Variants in ABCA3 observed in about 807,000 individuals in gnomAD.
ABCA3 encodes ATP binding cassette subfamily A member 3, also known as phospholipid-transporting ATPase ABCA3.
In ABCA3, 88 loss-of-function variants were observed where a neutral mutation model predicts 172.8. That is an observed-to-expected ratio of 0.51 (90% CI 0.43 to 0.61). The LOEUF (loss-of-function observed/expected upper bound fraction) is 0.61. Among genes scored for constraint, ABCA3 ranks in the 20% least tolerant of loss-of-function variants. ABCA3 has a pLI of 0.00. For missense variants in ABCA3, 2,164 were observed against 2,301.0 expected (o/e 0.94, Z 1.22); for synonymous variants, 1,066 against 983.8 (o/e 1.08, Z -1.56).
At chr16:2,324,737 C>T (rs368925263) in intron 5 of ABCA3, among the ~76,000 whole-genome samples, 29 of 152,290 alleles carry the variant, frequency 1.9e-4, no homozygotes, top group African/African-American at 6.5e-4. Flanking sequence ...GAGCCCCAGG[C>T]AGTGAGTTCT....
intron 1 of ABCA3, among the ~76,000 whole-genome samples, chr16:2,334,332 G>T (rs1347238021): frequency 2.6e-5 from 4 of 152,168 alleles, no homozygotes; most frequent in African/African-American, 9.7e-5. Flanking sequence ...TCAAGGCGCT[G>T]GATGTTGCAC....
intron 18 of ABCA3, among the ~76,000 whole-genome samples, chr16:2,294,001 T>A (rs932225227): frequency 1.5e-4 from 23 of 151,388 alleles, no homozygotes; most frequent in African/African-American, 5.6e-4. Context: ...TCCCTGGTTT[T>A]TTCTTTCTTT....
rs1188817559 is a variant in ABCA3 at position 2,297,952 on chromosome 16, G to A, written c.1897-31C>T. ...ACGACAGGGGACGCAGGGAGATGCA[G>A]GGCTCCTGGCGGGAGGCCGACCCTG... On this transcript the variant is annotated intron_variant, in intron 15 of 32. Coordinates refer to ENST00000301732, the MANE Select transcript of ABCA3 (RefSeq NM_001089.3). The surrounding 1 kb of genome is among the most constrained non-coding windows in gnomAD (Gnocchi z 5.6). The A allele has an allele frequency of 1.9e-6, 3 of 1,612,322 alleles. No homozygotes were observed. Among genetic ancestry groups the A allele is most frequent in the Non-Finnish European group, 8.5e-7 (1 of 1,179,936 alleles).
chr16:2,296,377 G>C (rs1448159117), intron 17 of ABCA3, among the ~76,000 whole-genome samples: 1 of 152,178 alleles, frequency 6.6e-6, no homozygotes, highest in Non-Finnish European at 1.5e-5. Flanking sequence ...TGGGATTACA[G>C]GCATGCACCA....
At position 2,328,595 on chromosome 16, in the gene ABCA3, C is replaced by G. The variant is rs323049; in HGVS notation, c.-169G>C. Reference sequence around the variant, plus strand: ...CTCTGTCCTGGAGAGGCAGGGAAGGCGATGGAGGAGGGGCAGTCTAGAGAG... The same window carrying G: ...CTCTGTCCTGGAGAGGCAGGGAAGGGGATGGAGGAGGGGCAGTCTAGAGAG... On this transcript the variant is annotated 5_prime_UTR_variant, in exon 3 of 33. Coordinates refer to ENST00000301732, the MANE Select transcript of ABCA3 (RefSeq NM_001089.3). 9 of 512,104 alleles carry G rather than the reference C, an allele frequency of 1.8e-5. No individual in the cohort carries two copies. Among genetic ancestry groups the G allele is most frequent in the Admixed American group, 9.9e-5 (5 of 50,688 alleles). 31.7% of individuals were successfully genotyped at this position (512,104 alleles called of 1,614,324 possible). A position where few individuals can be genotyped will look rare whatever the true frequency, so the allele number is the denominator to read the frequency against.
At chr16:2,313,422 C>A (rs943708095) in intron 10 of ABCA3, among the ~76,000 whole-genome samples, 3 of 151,630 alleles carry the variant, frequency 2.0e-5, no homozygotes, top group Non-Finnish European at 1.5e-5. Context: ...GGCATGCTGG[C>A]TTGCACCTGT....
Position 2,319,693 on chromosome 16 carries a change from G to A in ABCA3, c.761C>T (p.Pro254Leu). Residue 254 changes from proline (P) to leucine (L), a missense_variant, in exon 8 of 33, where the codon CCC becomes CTC. Pro to Leu is a moderately conservative substitution (Grantham distance 98). Transcript: ENST00000301732. Reference protein sequence around the residue: ...RFPYPPFIADPFLVAIQYQLP... With the variant: ...RFPYPPFIADLFLVAIQYQLP... ...CTGGTACTGGATGGCCACGAGGAAGGGGTCTGCGATGAACGGCGGGTACGG... is the reference window on the plus strand; with the variant it reads ...CTGGTACTGGATGGCCACGAGGAAGAGGTCTGCGATGAACGGCGGGTACGG... 1.2e-6 allele frequency: 2 copies of A among 1,613,996 alleles called. No individual in the cohort carries two copies. The highest frequency in any genetic ancestry group is 1.1e-5 in the South Asian group (1 of 91,072).
At chr16:2,330,266 C>T (rs1027889283) in intron 1 of ABCA3, among the ~76,000 whole-genome samples, 7 of 139,114 alleles carry the variant, frequency 5.0e-5, no homozygotes, top group African/African-American at 1.9e-4. Context: ...TCAGAGTCAT[C>T]AGCTCCGAGA....
intron 3 of ABCA3, among the ~76,000 whole-genome samples, chr16:2,328,085 T>C (rs1224478824): frequency 6.6e-6 from 1 of 152,016 alleles, no homozygotes; most frequent in Non-Finnish European, 1.5e-5. Context: ...TCCTATATTA[T>C]ATAGGAACAT....
In ABCA3 at chr16:2,281,253, G is replaced by A. The variant is rs548311633; in HGVS notation, c.4165-32C>T. 80 of 1,613,182 alleles carry A rather than the reference G, an allele frequency of 5.0e-5. No homozygotes were observed. Among genetic ancestry groups the A allele is most frequent in the South Asian group, 4.7e-4 (43 of 91,082 alleles). ...GCACCCAACAGAAAACACGGAATGC[G>A]GAGGCCTGGACGCAAAGCAGAGCAG... On this transcript the variant is annotated intron_variant, in intron 27 of 32. Coordinates refer to ENST00000301732, the MANE Select transcript of ABCA3 (RefSeq NM_001089.3). The surrounding 1 kb of genome is among the most constrained non-coding windows in gnomAD (Gnocchi z 4.7).
At chr16:2,308,406 G>T (rs751316788) in intron 11 of ABCA3, 44 bp downstream of exon 11, 5 of 1,612,696 alleles carry the variant, frequency 3.1e-6, no homozygotes, top group Non-Finnish European at 4.2e-6. Flanking sequence ...GCTCTCGAAG[G>T]TTACTGATTC....
intron 11 of ABCA3, among the ~76,000 whole-genome samples, chr16:2,306,430 C>T (rs1158245291): frequency 6.6e-6 from 1 of 152,226 alleles, no homozygotes; most frequent in Admixed American, 6.5e-5. Flanking sequence ...TGTCAGAAGA[C>T]ACTGCCGACT....
intron 7 of ABCA3, among the ~76,000 whole-genome samples, chr16:2,321,526 G>A (rs1224538952): frequency 6.6e-6 from 1 of 152,120 alleles, no homozygotes; most frequent in African/African-American, 2.4e-5. Flanking sequence ...TGCCAGACCC[G>A]TGAAATACGA....
At chr16:2,308,353 G>A (rs781095536) in intron 11 of ABCA3, 97 bp downstream of exon 11, 315 of 1,484,628 alleles carry the variant, frequency 2.1e-4, no homozygotes, top group Admixed American at 2.7e-4. Context: ...CCTGCCAACC[G>A]TCCCAGGTGG....
intron 10 of ABCA3, among the ~76,000 whole-genome samples, chr16:2,308,993 T>C (rs1025112854): frequency 2.1e-4 from 32 of 151,896 alleles, no homozygotes; most frequent in Admixed American, 1.7e-3. Context: ...TCGCCCAGGC[T>C]GGAGTGCAGT....
intron 11 of ABCA3, among the ~76,000 whole-genome samples, chr16:2,306,452 T>C (rs536309859): frequency 5.7e-4 from 86 of 152,172 alleles, no homozygotes; most frequent in African/African-American, 1.7e-3. Context: ...TAGAGAACCG[T>C]TCTAATGAAA....
At position 2,300,093 on chromosome 16, in the gene ABCA3, C is replaced by A. The variant is rs760750138; in HGVS notation, c.1523G>T (p.Ser508Ile). The A allele has an allele frequency of 9.3e-6, 15 of 1,613,606 alleles. No homozygotes were observed. Among genetic ancestry groups the A allele is most frequent in the Non-Finnish European group, 1.3e-5 (15 of 1,179,954 alleles). ...GTTTCTGAGTGCTTTCTCGGGGTCA[C>A]TGTCTTCTTCCTCCTTCCCTGCAAC... ...RAVAGKEEEDSDPEKALRNEY... is the reference protein window; with the variant it reads ...RAVAGKEEEDIDPEKALRNEY... The change falls in exon 13 of 33, where the codon AGT becomes ATT. Residue 508 changes from serine to isoleucine, a missense_variant. Coordinates refer to ENST00000301732, the MANE Select transcript of ABCA3 (RefSeq NM_001089.3).
intron 7 of ABCA3, among the ~76,000 whole-genome samples, chr16:2,322,233 GT>G (rs2141735920): frequency 6.6e-6 from 1 of 151,396 alleles, no homozygotes; most frequent in Non-Finnish European, 1.5e-5. Context: ...AAATACAAAT[GT>G]TTCATTCAAG....
At chr16:2,310,108 T>A (rs1164692913) in intron 10 of ABCA3, among the ~76,000 whole-genome samples, 9 of 151,946 alleles carry the variant, frequency 5.9e-5, no homozygotes. Flanking sequence ...CAACATACAT[T>A]TATGAAAAAA....
Sources: allele counts gnomAD v4.1 joint callset (sites outside exome capture counted in the v4.1 genomes callset), GRCh38; gene constraint gnomAD v4.1.1; non-coding constraint Gnocchi (gnomAD v3.1); transcripts MANE v1.5; gene names NCBI Gene and HGNC (gene_info 2026-07-23, HGNC 2026-07-21).